Variants in SLCO2A1 observed in about 807,000 individuals in gnomAD.
SLCO2A1 encodes the protein solute carrier organic anion transporter family member 2A1.
A neutral mutation model predicts 71.7 loss-of-function variants in SLCO2A1; 60 were observed. The observed-to-expected ratio is 0.84, with a 90% CI of 0.68 to 1.04. The LOEUF is 1.04. SLCO2A1 is among the 50% of genes least tolerant of loss of function. The pLI, the probability that SLCO2A1 is intolerant of heterozygous loss-of-function variation, is 0.00. For missense variants in SLCO2A1, 745 were observed against 813.4 expected, an observed-to-expected ratio of 0.92 and a Z score of 1.02; for synonymous variants, 308 against 326.7, an observed-to-expected ratio of 0.94 and a Z score of 0.62.
chr3:133,962,029 T>C (rs1934049217), intron 3 of SLCO2A1, among the ~76,000 whole-genome samples: 1 of 152,248 alleles, frequency 6.6e-6, no homozygotes, highest in Non-Finnish European at 1.5e-5. Context: ...TGGGCGGCCC[T>C]GGCTAGCTCA....
At chr3:133,996,379 C>G (rs73219477) in intron 1 of SLCO2A1, among the ~76,000 whole-genome samples, 1 of 152,308 alleles carries the variant, frequency 6.6e-6, no homozygotes, top group Admixed American at 6.5e-5. Flanking sequence ...AGAAGCAGGG[C>G]GGGCAGGCTG....
At chr3:133,967,821 CTCCATACCCCCCACACAT>C (rs1934218916) in intron 3 of SLCO2A1, among the ~76,000 whole-genome samples, 1 of 121,868 alleles carries the variant, frequency 8.2e-6, no homozygotes, top group Non-Finnish European at 1.9e-5. Flanking sequence ...CCCACCCCAC[CTCCATACCCCCCACACAT>C]GAACACACGC....
chr3:134,005,377 A>G (rs1429195092), intron 1 of SLCO2A1, among the ~76,000 whole-genome samples: 2 of 151,498 alleles, frequency 1.3e-5, no homozygotes, highest in Non-Finnish European at 2.9e-5. Context: ...ATTGTTTTAG[A>G]TGTCTCTTTT....
chr3:133,978,077 T>C (rs1934501576), intron 2 of SLCO2A1, among the ~76,000 whole-genome samples: 1 of 152,176 alleles, frequency 6.6e-6, no homozygotes, highest in Non-Finnish European at 1.5e-5. Context: ...ACTGTGCGTG[T>C]ATATGTGCAT....
At chr3:133,971,052 C>T (rs1934309795) in intron 3 of SLCO2A1, among the ~76,000 whole-genome samples, 1 of 152,234 alleles carries the variant, frequency 6.6e-6, no homozygotes, top group Non-Finnish European at 1.5e-5. Context: ...ATGCCACTGG[C>T]ATGTGGGCCC....
At chr3:133,984,448 T>C (rs1418174763) in intron 1 of SLCO2A1, among the ~76,000 whole-genome samples, 3 of 152,084 alleles carry the variant, frequency 2.0e-5, no homozygotes, top group South Asian at 2.1e-4. Context: ...AGGGATCAGA[T>C]TGATGGCTGC....
intron 1 of SLCO2A1, among the ~76,000 whole-genome samples, chr3:133,997,831 T>C (rs939556334): frequency 1.3e-5 from 2 of 152,262 alleles, no homozygotes; most frequent in African/African-American, 4.8e-5. Context: ...AATTTGATTC[T>C]TGACTTTGCC....
At position 133,953,736 on chromosome 3, in the gene SLCO2A1, A is replaced by G. The variant is rs370992393; in HGVS notation, c.651T>C (p.Phe217=). The part of the protein sequence containing the change: ...YISILFAISV[F]GPAFGYLLGS... Reference sequence around the variant, plus strand: ...CCAGCAGGTACCCGAAAGCCGGTCCAAATACAGAGATGGCAAATAAGATGG... The same window carrying G: ...CCAGCAGGTACCCGAAAGCCGGTCCGAATACAGAGATGGCAAATAAGATGG... The change falls in exon 5 of 14, where the codon TTT becomes TTC. Residue 217 remains phenylalanine (F), a synonymous_variant. Coordinates refer to ENST00000310926, the MANE Select transcript of SLCO2A1 (RefSeq NM_005630.3). 8.4e-5 allele frequency: 136 copies of G among 1,614,060 alleles called. No individual in the cohort carries two copies. The highest frequency in any genetic ancestry group is 1.1e-4 in the Non-Finnish European group (133 of 1,180,020).
intron 3 of SLCO2A1, among the ~76,000 whole-genome samples, chr3:133,966,146 C>T (rs1934158564): frequency 6.6e-6 from 1 of 152,162 alleles, no homozygotes. Flanking sequence ...CAGTTCCCAG[C>T]CTGTATCTAT....
At chr3:133,953,346 A>C (rs1027010270) in intron 5 of SLCO2A1, among the ~76,000 whole-genome samples, 6 of 152,154 alleles carry the variant, frequency 3.9e-5, no homozygotes, top group African/African-American at 1.4e-4. Flanking sequence ...CCATAGAAAT[A>C]TTTTTAATGC....
chr3:133,963,923 A>G (rs1934104235), intron 3 of SLCO2A1, among the ~76,000 whole-genome samples: 1 of 152,238 alleles, frequency 6.6e-6, no homozygotes, highest in Admixed American at 6.5e-5. Context: ...CTCACTCATG[A>G]TCTGAGATCC....
At chr3:134,000,497 T>C (rs1935085485) in intron 1 of SLCO2A1, among the ~76,000 whole-genome samples, 1 of 152,192 alleles carries the variant, frequency 6.6e-6, no homozygotes, top group African/African-American at 2.4e-5. Context: ...TTGTGACAAC[T>C]TGAGTCACAC....
chr3:134,028,456 T>C (rs1935740966), intron 1 of SLCO2A1, among the ~76,000 whole-genome samples: 5 of 152,224 alleles, frequency 3.3e-5, no homozygotes, highest in Admixed American at 3.3e-4. Context: ...CTGTTGCTTA[T>C]CCATATACAA....
intron 4 of SLCO2A1, among the ~76,000 whole-genome samples, chr3:133,954,420 C>T (rs1933831343): frequency 6.6e-6 from 1 of 152,098 alleles, no homozygotes; most frequent in East Asian, 1.9e-4. Context: ...CCTTGGCCTC[C>T]CAAAGTGCTG....
chr3:133,962,189 C>T (rs911582482), intron 3 of SLCO2A1, among the ~76,000 whole-genome samples: 1 of 152,164 alleles, frequency 6.6e-6, no homozygotes. Flanking sequence ...AAGCGATTCT[C>T]CTGCCTCAGC....
intron 9 of SLCO2A1, 118 bp downstream of exon 9, chr3:133,947,133 CAAAAA>C: frequency 3.0e-6 from 2 of 666,682 alleles, no homozygotes; most frequent in South Asian, 2.6e-5. Flanking sequence ...GACTCTGTCT[CAAAAA>C]AAAAAAAAAG....
In SLCO2A1 at chr3:133,977,950, A is replaced by C. The variant is rs549628572; in HGVS notation, c.234+1531T>G. 2.6e-5 allele frequency among the ~76,000 whole-genome samples: 4 copies of C among 152,244 alleles called. No homozygotes were observed. The South Asian group carries it at 8.3e-4, about 32-fold the overall frequency. ...GACAGACAGAGACACAGGCACACAC[A>C]CAGACCAGTACACAGACACACACCT... is the stretch of plus-strand genomic sequence containing the variant. On this transcript the variant is annotated intron_variant, in intron 2 of 13. Coordinates refer to ENST00000310926, the MANE Select transcript of SLCO2A1 (RefSeq NM_005630.3).
intron 1 of SLCO2A1, among the ~76,000 whole-genome samples, chr3:134,013,376 A>T (rs1462535141): frequency 1.3e-5 from 2 of 152,230 alleles, no homozygotes; most frequent in East Asian, 1.9e-4. Context: ...TTTGGCAGCC[A>T]AACGAGCAGC....
chr3:133,949,817 G>A (rs934287683), intron 6 of SLCO2A1, among the ~76,000 whole-genome samples: 2 of 152,072 alleles, frequency 1.3e-5, no homozygotes, highest in African/African-American at 4.8e-5. Flanking sequence ...CTAGTTCATT[G>A]TTTTTTATTT....
Sources: allele counts gnomAD v4.1 joint callset (sites outside exome capture counted in the v4.1 genomes callset), GRCh38; gene constraint gnomAD v4.1.1; transcripts MANE v1.5; gene names NCBI Gene and HGNC (gene_info 2026-07-23, HGNC 2026-07-21).